Variants in SAMTOR observed in about 807,000 individuals in gnomAD.
SAMTOR encodes the protein S-adenosylmethionine sensor upstream of mTORC1.
the SAMTOR span, among the ~76,000 whole-genome samples, chr7:112,876,533 C>G: frequency 6.6e-6 from 1 of 152,232 alleles, no homozygotes; most frequent in South Asian, 2.1e-4. Flanking sequence ...CTACCTCAAC[C>G]AGGTATTACA....
At chr7:112,893,405 G>C in the SAMTOR span, among the ~76,000 whole-genome samples, 1 of 152,156 alleles carries the variant, frequency 6.6e-6, no homozygotes, top group Non-Finnish European at 1.5e-5. Context: ...TGGTTTCTTA[G>C]ACCTCATGAA....
At chr7:112,932,582 T>C in the SAMTOR span, among the ~76,000 whole-genome samples, 1 of 152,202 alleles carries the variant, frequency 6.6e-6, no homozygotes, top group Non-Finnish European at 1.5e-5. Flanking sequence ...GTACTAAGGC[T>C]ACAGAGATAA....
chr7:112,881,568 C>T, the SAMTOR span, among the ~76,000 whole-genome samples: 2 of 152,202 alleles, frequency 1.3e-5, no homozygotes, highest in Non-Finnish European at 2.9e-5. Flanking sequence ...GTCTCCTCGA[C>T]TCATTGGGAT....
At chr7:112,868,433 T>C in the SAMTOR span, among the ~76,000 whole-genome samples, 3 of 152,196 alleles carry the variant, frequency 2.0e-5, no homozygotes, top group Non-Finnish European at 4.4e-5. Context: ...AGCCCCAGTA[T>C]GTGAAAGGGG....
the SAMTOR span, among the ~76,000 whole-genome samples, chr7:112,827,472 C>T: frequency 2.0e-5 from 3 of 152,122 alleles, no homozygotes; most frequent in African/African-American, 7.2e-5. Context: ...ATCAGTCTAC[C>T]TTCAAGTGAT....
chr7:112,902,713 G>C, the SAMTOR span, among the ~76,000 whole-genome samples: 3,523 of 152,098 alleles, frequency 0.023, 67 homozygotes, highest in Admixed American at 0.042. Context: ...AGTGGGGGAG[G>C]CTATGCATGT....
chr7:112,937,353 AT>A, the SAMTOR span, among the ~76,000 whole-genome samples: 1 of 152,150 alleles, frequency 6.6e-6, no homozygotes, highest in African/African-American at 2.4e-5. Flanking sequence ...CAGGTATGTT[AT>A]TGATTCAATG....
At chr7:112,913,066 G>A in the SAMTOR span, among the ~76,000 whole-genome samples, 1 of 152,160 alleles carries the variant, frequency 6.6e-6, no homozygotes, top group African/African-American at 2.4e-5. Context: ...TGGTTCAGTA[G>A]TATGCCTCAT....
the SAMTOR span, among the ~76,000 whole-genome samples, chr7:112,900,862 A>G: frequency 6.6e-6 from 1 of 152,228 alleles, no homozygotes; most frequent in Non-Finnish European, 1.5e-5. Flanking sequence ...GTAAATCTAG[A>G]TATAGACCTT....
the SAMTOR span, among the ~76,000 whole-genome samples, chr7:112,936,189 A>G: frequency 6.6e-6 from 1 of 151,078 alleles, no homozygotes. Context: ...TATCTTATGA[A>G]TATCTTATGA....
chr7:112,889,360 A>AT, the SAMTOR span, among the ~76,000 whole-genome samples: 1 of 152,226 alleles, frequency 6.6e-6, no homozygotes, highest in African/African-American at 2.4e-5. Flanking sequence ...AAATACACCA[A>AT]TAGTTTATCA....
the SAMTOR span, among the ~76,000 whole-genome samples, chr7:112,883,735 G>A: frequency 6.6e-6 from 1 of 152,182 alleles, no homozygotes; most frequent in Admixed American, 6.5e-5. Context: ...TGACATGCAT[G>A]CCATACTTCT....
chr7:112,903,955 A>C, the SAMTOR span, among the ~76,000 whole-genome samples: 3 of 152,112 alleles, frequency 2.0e-5, no homozygotes, highest in Non-Finnish European at 4.4e-5. Context: ...AAAAGCATTA[A>C]ATCACTTAAA....
the SAMTOR span, among the ~76,000 whole-genome samples, chr7:112,934,581 T>C: frequency 6.6e-6 from 1 of 152,214 alleles, no homozygotes; most frequent in African/African-American, 2.4e-5. Context: ...AAGCTATTAT[T>C]AACTTTAGAT....
At chr7:112,857,454 A>G in the SAMTOR span, among the ~76,000 whole-genome samples, 1 of 152,238 alleles carries the variant, frequency 6.6e-6, no homozygotes, top group Non-Finnish European at 1.5e-5. Flanking sequence ...ATAAAAATAT[A>G]AACAAACCCA....
chr7:112,898,323 C>T, the SAMTOR span, among the ~76,000 whole-genome samples: 24,521 of 152,176 alleles, frequency 0.16, 2,090 homozygotes, highest in Middle Eastern at 0.35. Context: ...CCAAGTGTGA[C>T]ACCAGCTGTG....
chr7:112,847,477 T>A, the SAMTOR span, among the ~76,000 whole-genome samples: 5 of 152,316 alleles, frequency 3.3e-5, no homozygotes, highest in South Asian at 1.0e-3. Flanking sequence ...ATTTTTGATG[T>A]GGAAAATATT....
chr7:112,854,578 A>C, the SAMTOR span, among the ~76,000 whole-genome samples: 1 of 152,216 alleles, frequency 6.6e-6, no homozygotes, highest in African/African-American at 2.4e-5. Context: ...CTCTTTAGTC[A>C]ATAGGTCAAT....
chr7:112,914,063 T>C, the SAMTOR span, among the ~76,000 whole-genome samples: 1 of 152,186 alleles, frequency 6.6e-6, no homozygotes, highest in African/African-American at 2.4e-5. Context: ...AAATATTATT[T>C]ATTAAATAAA....
Sources: allele counts gnomAD v4.1 joint callset (sites outside exome capture counted in the v4.1 genomes callset), GRCh38; gene constraint gnomAD v4.1.1; transcripts MANE v1.5; gene names NCBI Gene and HGNC (gene_info 2026-07-23, HGNC 2026-07-21).